Variants in SGK1 observed in about 807,000 individuals in gnomAD.
The protein encoded by SGK1 is serum/glucocorticoid regulated kinase 1, also known as serine/threonine-protein kinase Sgk1.
Under a neutral mutation model 64.2 loss-of-function variants are expected in SGK1, and 26 were observed. The observed-to-expected ratio is 0.40, with a 90% CI of 0.30 to 0.56. SGK1 has a LOEUF of 0.56. Among genes scored for constraint, SGK1 ranks in the 20% least tolerant of loss-of-function variants. The pLI is 0.38. For missense variants in SGK1, 519 were observed against 645.6 expected, an observed-to-expected ratio of 0.80 and a Z score of 2.12; for synonymous variants, 265 against 239.7, an observed-to-expected ratio of 1.11 and a Z score of -0.98.
At chr6:134,230,440 A>G (rs1411792687) in intron 2 of SGK1, 3 of 152,188 alleles carry the variant, frequency 2.0e-5, no homozygotes, top group African/African-American at 4.8e-5. Context: ...ATTCACAATC[A>G]TGTCAGGAGG....
At chr6:134,219,693 G>C (rs1776049627) in intron 2 of SGK1, among the ~76,000 whole-genome samples, 1 of 149,006 alleles carries the variant, frequency 6.7e-6, no homozygotes, top group Non-Finnish European at 1.5e-5. Context: ...GAGGGAGGCA[G>C]AGGTTGCGGT....
At chr6:134,258,876 T>C (rs1776722598) in intron 2 of SGK1, among the ~76,000 whole-genome samples, 1 of 152,142 alleles carries the variant, frequency 6.6e-6, no homozygotes, top group Non-Finnish European at 1.5e-5. Flanking sequence ...TAGTCCCAGC[T>C]ACTTGGGAGG....
At chr6:134,269,937 T>C (rs1374637803) in intron 1 of SGK1, among the ~76,000 whole-genome samples, 1 of 147,968 alleles carries the variant, frequency 6.8e-6, no homozygotes, top group Non-Finnish European at 1.5e-5. Context: ...TTTTTTTTTT[T>C]TGAGACGGAG....
intron 3 of SGK1, among the ~76,000 whole-genome samples, chr6:134,183,000 G>A (rs1204866788): frequency 6.6e-6 from 1 of 152,212 alleles, no homozygotes; most frequent in Non-Finnish European, 1.5e-5. Flanking sequence ...CCTATTGAGA[G>A]GGTGGAGTCA....
chr6:134,229,585 A>G (rs1008448537), intron 2 of SGK1, among the ~76,000 whole-genome samples: 23 of 152,346 alleles, frequency 1.5e-4, no homozygotes, highest in African/African-American at 4.6e-4. Flanking sequence ...TACAAAATCA[A>G]TTTTTGAGGG....
intron 1 of SGK1, among the ~76,000 whole-genome samples, chr6:134,285,314 T>C (rs548758634): frequency 4.3e-4 from 66 of 152,116 alleles, no homozygotes; most frequent in African/African-American, 1.5e-3. Flanking sequence ...CCATCTTTAC[T>C]AAAAATACAA....
intron 3 of SGK1, among the ~76,000 whole-genome samples, chr6:134,181,772 T>C (rs1026837711): frequency 1.3e-5 from 2 of 152,166 alleles, no homozygotes; most frequent in Non-Finnish European, 2.9e-5. Flanking sequence ...AAAAGATACA[T>C]GTAATAGTAA....
intron 3 of SGK1, among the ~76,000 whole-genome samples, chr6:134,206,363 ATATATATATATATATATATATTTTTTTTT>A (rs1179854814): frequency 0.049 from 1,099 of 22,630 alleles, 27 homozygotes; most frequent in African/African-American, 0.11. Context: ...ATATATATAT[ATATATATATATATATATATATTTTTTTTT>A]TTTTTTTTTT....
chr6:134,170,532 A>C (rs1395974320), intron 13 of SGK1, 97 bp from the exon 14 acceptor site: 1 of 1,164,174 alleles, frequency 8.6e-7, no homozygotes, highest in Non-Finnish European at 1.2e-6. Context: ...TTTAAGTCTT[A>C]TATCAACTTC....
At chr6:134,229,928 A>G (rs1776250566) in intron 2 of SGK1, among the ~76,000 whole-genome samples, 1 of 152,194 alleles carries the variant, frequency 6.6e-6, no homozygotes, top group African/African-American at 2.4e-5. Flanking sequence ...TCTAAGCTTA[A>G]TCTTTCTTTT....
intron 1 of SGK1, among the ~76,000 whole-genome samples, chr6:134,282,381 G>T (rs554484052): frequency 1.7e-4 from 26 of 152,234 alleles, no homozygotes; most frequent in African/African-American, 5.8e-4. Flanking sequence ...CAGTGAGCAT[G>T]CTGGCTCATG....
At chr6:134,236,564 CT>C (rs1287981826) in intron 2 of SGK1, among the ~76,000 whole-genome samples, 1 of 152,008 alleles carries the variant, frequency 6.6e-6, no homozygotes, top group African/African-American at 2.4e-5. Flanking sequence ...GAGGTTGAGG[CT>C]GCAAAGAACA....
chr6:134,281,071 A>T (rs898011037), intron 1 of SGK1, among the ~76,000 whole-genome samples: 1 of 152,160 alleles, frequency 6.6e-6, no homozygotes, highest in Admixed American at 6.5e-5. Context: ...CATCTCCAAA[A>T]AAACCAGAAA....
intron 1 of SGK1, among the ~76,000 whole-genome samples, chr6:134,305,590 G>A (rs1003502410): frequency 6.8e-6 from 1 of 146,210 alleles, no homozygotes. Context: ...AAAAAAAAAT[G>A]TTATTTACAA....
chr6:134,228,080 C>T (rs570121480), intron 2 of SGK1, among the ~76,000 whole-genome samples: 3 of 151,140 alleles, frequency 2.0e-5, no homozygotes, highest in South Asian at 2.1e-4. Context: ...CTCAGCCTCC[C>T]GAGTAGCTGG....
At chr6:134,176,102 T>G in intron 3 of SGK1, 1 of 556,044 alleles carries the variant, frequency 1.8e-6, no homozygotes, top group Non-Finnish European at 2.3e-6. Context: ...CGTGAGGAGG[T>G]AACAAGCGAA....
At chr6:134,196,230 A>AT (rs1397599640) in intron 3 of SGK1, among the ~76,000 whole-genome samples, 3 of 151,670 alleles carry the variant, frequency 2.0e-5, no homozygotes, top group Admixed American at 6.6e-5. Context: ...AGGATCACTT[A>AT]TTTTTTTTAA....
At chr6:134,246,583 A>G (rs890259623) in intron 2 of SGK1, among the ~76,000 whole-genome samples, 2 of 151,764 alleles carry the variant, frequency 1.3e-5, no homozygotes, top group South Asian at 4.2e-4. Flanking sequence ...TTAAGTTTGT[A>G]TTTGTATTTG....
chr6:134,232,473 A>AAG (rs766770696), intron 2 of SGK1, among the ~76,000 whole-genome samples: 56,189 of 96,108 alleles, frequency 0.58, 19,217 homozygotes, highest in South Asian at 0.8. Flanking sequence ...GAAAGAAAGA[A>AAG]AGAAAGAAAG....
Sources: allele counts gnomAD v4.1 joint callset (sites outside exome capture counted in the v4.1 genomes callset), GRCh38; gene constraint gnomAD v4.1.1; transcripts MANE v1.5; gene names NCBI Gene and HGNC (gene_info 2026-07-23, HGNC 2026-07-21).